Variants in AIFM1 observed in about 807,000 individuals in gnomAD.
AIFM1 encodes the protein apoptosis-inducing factor 1, mitochondrial.
Under a neutral mutation model 51.7 loss-of-function variants are expected in AIFM1, and 3 were observed. The observed-to-expected ratio is 0.06, with a 90% CI of 0.03 to 0.15. AIFM1 has a LOEUF of 0.15. Ranked by LOEUF, AIFM1 falls within the 10% of genes least tolerant of loss-of-function variation. The pLI is 1.00. For synonymous variants in AIFM1, 178 were observed against 179.4 expected (o/e 0.99, Z 0.06); for missense variants, 330 against 476.8 (o/e 0.69, Z 2.87).
chrX:130,143,492 C>T (rs564824219), intron 6 of AIFM1, among the ~76,000 whole-genome samples: 1 of 111,089 alleles, frequency 9.0e-6, no homozygotes, highest in African/African-American at 3.3e-5. Flanking sequence ...ACCACCAAGC[C>T]TCATCAAGCA....
rs755390188 is a variant in AIFM1 at position 130,129,529 on chromosome X, G to A, written c.*28C>T. 2.5e-6 allele frequency: 3 copies of A among 1,193,284 alleles called. No homozygotes were observed. The highest frequency in any genetic ancestry group is 1.8e-5 in the South Asian group (1 of 56,592). ...ATTCGACCTCCTCTCAGGGGCTGCAGTGGGTTTGCCAATTCCACTGTGGGG... is the reference window on the plus strand; with the variant it reads ...ATTCGACCTCCTCTCAGGGGCTGCAATGGGTTTGCCAATTCCACTGTGGGG... On this transcript the variant is annotated 3_prime_UTR_variant, in exon 16 of 16. Coordinates refer to ENST00000287295, the MANE Select transcript of AIFM1 (RefSeq NM_004208.4).
rs1422909695 is a variant in AIFM1 at position 130,165,595 on chromosome X, C to T, written c.62G>A (p.Arg21Gln). 8.3e-7 allele frequency: 1 copy of T among 1,202,870 alleles called. No individual in the cohort carries two copies. The highest frequency in any genetic ancestry group is 1.8e-5 in the South Asian group (1 of 55,565). The change falls in exon 1 of 16, where the codon CGG becomes CAG. Residue 21 changes from arginine to glutamine, a missense_variant. By Grantham distance (43) the Arg-to-Gln change is conservative (BLOSUM62 1). Transcript: ENST00000287295. ...ALKQKLVPLVRTVCVRSPRQR... is the reference protein window; with the variant it reads ...ALKQKLVPLVQTVCVRSPRQR... ...CCTCGGGCTTCGGACGCACACGGTCCGCACCAAGGGCACCAGCTTCTGCTT... is the reference window on the plus strand; with the variant it reads ...CCTCGGGCTTCGGACGCACACGGTCTGCACCAAGGGCACCAGCTTCTGCTT...
intron 2 of AIFM1, among the ~76,000 whole-genome samples, chrX:130,153,899 T>C (rs1319886057): frequency 8.9e-6 from 1 of 112,234 alleles, no homozygotes; most frequent in Non-Finnish European, 1.9e-5. Flanking sequence ...TGTTTTGTTA[T>C]GGCAGCCCAA....
intron 6 of AIFM1, among the ~76,000 whole-genome samples, chrX:130,144,605 T>C (rs1234787241): frequency 8.9e-6 from 1 of 111,940 alleles, no homozygotes; most frequent in Non-Finnish European, 1.9e-5. Context: ...TTGCCCATTC[T>C]GTAAGACCTT....
chrX:130,134,031 T>C (rs1477939022), intron 12 of AIFM1, among the ~76,000 whole-genome samples: 1 of 109,650 alleles, frequency 9.1e-6, no homozygotes, highest in African/African-American at 3.3e-5. Flanking sequence ...TCACAAGGAG[T>C]TCGAGACAAG....
chrX:130,147,337 T>C (rs1241985995), intron 5 of AIFM1, among the ~76,000 whole-genome samples, 156 bp downstream of exon 5: 1 of 112,119 alleles, frequency 8.9e-6, no homozygotes, highest in Non-Finnish European at 1.9e-5. Flanking sequence ...CTTTGTAGAC[T>C]GTTATCTCTA....
At chrX:130,133,681 T>C (rs763221857) in intron 12 of AIFM1, among the ~76,000 whole-genome samples, 1 of 109,309 alleles carries the variant, frequency 9.1e-6, no homozygotes, top group African/African-American at 3.3e-5. Context: ...TGGGCTGGAG[T>C]GCAGTGGTGC....
chrX:130,141,771 T>C (rs915165648), intron 6 of AIFM1, among the ~76,000 whole-genome samples: 4 of 112,037 alleles, frequency 3.6e-5, no homozygotes, highest in Non-Finnish European at 7.5e-5. Context: ...TTTCCTCATC[T>C]TGTTATCTCC....
intron 5 of AIFM1, among the ~76,000 whole-genome samples, chrX:130,147,142 C>T (rs2030788225): frequency 9.0e-6 from 1 of 111,429 alleles, no homozygotes. Context: ...AGCCTGGTGA[C>T]AGAGCAGCAA....
At chrX:130,137,324 G>A (rs745718398) in intron 9 of AIFM1, 139 bp from the exon 10 acceptor site, 10 of 1,174,115 alleles carry the variant, frequency 8.5e-6, no homozygotes, top group Non-Finnish European at 1.1e-5. Context: ...CCCACTTACA[G>A]GACAGTGGGC....
Position 130,153,504 on chromosome X carries a change from C to T in AIFM1, c.249+2957G>A, listed in dbSNP as rs187194769. 3.5e-3 allele frequency among the ~76,000 whole-genome samples: 390 copies of T among 111,230 alleles called. 2 individuals are homozygous for T. Among genetic ancestry groups the T allele is most frequent in the African/African-American group, 0.012 (372 of 30,654 alleles). On this transcript the variant is annotated intron_variant, in intron 2 of 15. Transcript: ENST00000287295. The stretch of plus-strand genomic sequence containing the variant: ...TTCTTCAAATGACAGAAAAAAGTTA[C>T]GAAGAAACGCTATTCACTGTTATGG...
intron 1 of AIFM1, among the ~76,000 whole-genome samples, chrX:130,161,309 G>A (rs953410251): frequency 3.6e-5 from 4 of 109,824 alleles, no homozygotes; most frequent in African/African-American, 6.6e-5. Context: ...TCAGGAGTTC[G>A]AGACCAGCCT....
chrX:130,142,566 G>C (rs139875839), intron 6 of AIFM1, among the ~76,000 whole-genome samples: 1 of 111,510 alleles, frequency 9.0e-6, no homozygotes, highest in Non-Finnish European at 1.9e-5. Context: ...GCTTTTATCC[G>C]ATTGCCATCT....
intron 2 of AIFM1, among the ~76,000 whole-genome samples, chrX:130,156,210 T>G (rs2031158154): frequency 8.9e-6 from 1 of 111,780 alleles, no homozygotes; most frequent in South Asian, 3.7e-4. Flanking sequence ...GAAAACATAG[T>G]GGCTTTCAAG....
chrX:130,165,812 G>C lies in AIFM1; in HGVS notation c.-156C>G. On this transcript the variant is annotated 5_prime_UTR_variant, in exon 1 of 16. Coordinates refer to ENST00000287295, the MANE Select transcript of AIFM1 (RefSeq NM_004208.4). Reference sequence around the variant, plus strand: ...CTCCGGGTGGGCATTGGACAGAGAAGCCGGCCTGCTAGAGCCGGGGAAGGG... The same window carrying C: ...CTCCGGGTGGGCATTGGACAGAGAACCCGGCCTGCTAGAGCCGGGGAAGGG... 1 of 532,972 alleles carries C rather than the reference G, an allele frequency of 1.9e-6. No homozygotes were observed. 43.9% of individuals were successfully genotyped at this position (532,972 alleles called of 1,213,427 possible). A position where few individuals can be genotyped will look rare whatever the true frequency, so the allele number is the denominator to read the frequency against.
Position 130,147,588 on chromosome X carries a change from G to A in AIFM1, c.510C>T (p.Tyr170=). 3.3e-6 allele frequency: 4 copies of A among 1,212,211 alleles called. No individual in the cohort carries two copies. In the South Asian group the frequency reaches 7.0e-5, roughly 21 times the overall value. Residue 170 remains tyrosine (Y), a synonymous_variant, in exon 5 of 16, where the codon TAC becomes TAT. Transcript: ENST00000287295. ...LIVSEDPELP[Y]MRPPLSKELW... ...GTTCTTTTGAAAGAGGAGGTCGCAT[G>A]TACGGCAGCTCAGGATCTTCAGATA...
chrX:130,138,995 G>C, intron 8 of AIFM1, among the ~76,000 whole-genome samples: 1 of 111,178 alleles, frequency 9.0e-6, no homozygotes, highest in Non-Finnish European at 1.9e-5. Context: ...CCAGCATTTA[G>C]TGTGCAGAGG....
chrX:130,130,833 G>T (rs895648870), intron 14 of AIFM1, among the ~76,000 whole-genome samples: 1 of 112,072 alleles, frequency 8.9e-6, no homozygotes, highest in African/African-American at 3.2e-5. Flanking sequence ...TAGGAAGGGG[G>T]CACCTTGCTG....
chrX:130,147,949 A>G, intron 3 of AIFM1, 73 bp from the exon 4 acceptor site: 1 of 1,163,252 alleles, frequency 8.6e-7, no homozygotes, highest in Non-Finnish European at 1.2e-6. Flanking sequence ...TTAAAAAAAA[A>G]TCACCTTGCA....
Sources: allele counts gnomAD v4.1 joint callset (sites outside exome capture counted in the v4.1 genomes callset), GRCh38; gene constraint gnomAD v4.1.1; transcripts MANE v1.5; gene names NCBI Gene and HGNC (gene_info 2026-07-23, HGNC 2026-07-21).